Variants in MED12L observed in about 807,000 individuals in gnomAD.
The protein encoded by MED12L is mediator complex subunit 12L.
MED12L carries 60 observed loss-of-function variants against 281.3 expected under a neutral mutation model. The ratio of observed to expected loss-of-function variants is 0.21; its 90% CI spans 0.17 to 0.26. MED12L has a LOEUF of 0.26. Ranked by LOEUF, MED12L falls within the 10% of genes least tolerant of loss-of-function variation. MED12L has a pLI of 1.00. For missense variants in MED12L, 2,146 were observed against 2,680.9 expected, an observed-to-expected ratio of 0.80 and a Z score of 4.41; for synonymous variants, 974 against 987.2, an observed-to-expected ratio of 0.99 and a Z score of 0.25.
chr3:151,106,216 CTT>C (rs1197110225), intron 2 of MED12L, among the ~76,000 whole-genome samples: 10 of 142,946 alleles, frequency 7.0e-5, no homozygotes, highest in African/African-American at 2.3e-4. Flanking sequence ...GTTTTTTTTT[CTT>C]TCTTTCCTTC....
At chr3:151,373,759 T>A (rs1307372868) in intron 27 of MED12L, among the ~76,000 whole-genome samples, 1 of 152,182 alleles carries the variant, frequency 6.6e-6, no homozygotes, top group Non-Finnish European at 1.5e-5. Flanking sequence ...CATTTGACAT[T>A]TTAAAAATAG....
rs556699979 is a variant in MED12L at position 151,155,356 on chromosome 3, C to A, written c.557-805C>A. Among the ~76,000 whole-genome samples the A allele has an allele frequency of 8.7e-4, 133 of 152,364 alleles. 1 individual carries two copies. Among genetic ancestry groups the A allele is most frequent in the Non-Finnish European group, 1.1e-3 (72 of 68,034 alleles). On this transcript the variant is annotated intron_variant, in intron 5 of 44. Transcript: ENST00000687756. The stretch of plus-strand genomic sequence containing the variant: ...CAACACACTGATTTAATTTGTGCCC[C>A]TGTGGCAGACATTTTTGAACAATTT...
At chr3:151,239,393 T>C (rs956978380) in intron 16 of MED12L, among the ~76,000 whole-genome samples, 1 of 152,206 alleles carries the variant, frequency 6.6e-6, no homozygotes, top group Non-Finnish European at 1.5e-5. Flanking sequence ...CTGTATGGGA[T>C]TGGATTTTCT....
In MED12L at chr3:151,159,926, A is replaced by G. The variant is rs1452863124; in HGVS notation, c.932A>G (p.Asn311Ser). Reference protein sequence around the residue: ...RLSLLLSDSPNLLAAHSPHMM... With the variant: ...RLSLLLSDSPSLLAAHSPHMM... ...TCCTTGCTGCTGAGCGATAGCCCCAACCTCCTTGCTGCCCACTCACCCCAC... is the reference window on the plus strand; with the variant it reads ...TCCTTGCTGCTGAGCGATAGCCCCAGCCTCCTTGCTGCCCACTCACCCCAC... Residue 311 changes from asparagine (N) to serine (S), a missense_variant, in exon 8 of 45, where the codon AAC becomes AGC. By Grantham distance (46) the Asn-to-Ser change is conservative. This residue lies in a region of MED12L where 722 missense variants were observed against 861.2 expected (regional missense o/e 0.84). Transcript: ENST00000687756. The G allele has an allele frequency of 6.2e-6, 10 of 1,614,032 alleles. No individual in the cohort carries two copies. The highest frequency in any genetic ancestry group is 1.3e-5 in the African/African-American group (1 of 74,990).
chr3:151,302,351 C>T (rs1232371862), intron 16 of MED12L, among the ~76,000 whole-genome samples: 1 of 152,146 alleles, frequency 6.6e-6, no homozygotes, highest in Admixed American at 6.5e-5. Flanking sequence ...TGTTAAAGAT[C>T]ACGGAATGTG....
rs578078347 is a variant in MED12L at position 151,175,482 on chromosome 3, T to TC, written c.1494+9505dup. On this transcript the variant is annotated intron_variant, in intron 11 of 44. Coordinates refer to ENST00000687756, the MANE Select transcript of MED12L (RefSeq NM_001393769.1). Reference sequence around the variant, plus strand: ...GATAGTAATAAGTCATTGATTTTTTTCCCCCACTCCTTTTTATGGTGTTAT... The same window carrying TC: ...GATAGTAATAAGTCATTGATTTTTTTCCCCCCACTCCTTTTTATGGTGTTAT... Among the ~76,000 whole-genome samples, 73 of 152,306 alleles carry TC rather than the reference T, an allele frequency of 4.8e-4. No individual in the cohort carries two copies. The East Asian group carries it at 0.01, about 21-fold the overall frequency.
At chr3:151,380,250 A>G in intron 32 of MED12L, 26 bp downstream of exon 32, 1 of 1,403,112 alleles carries the variant, frequency 7.1e-7, no homozygotes, top group South Asian at 1.2e-5. Flanking sequence ...ATATTAAGAC[A>G]GGCAAATATC....
chr3:151,195,844 T>C (rs916358195), intron 16 of MED12L, among the ~76,000 whole-genome samples: 1 of 152,270 alleles, frequency 6.6e-6, no homozygotes, highest in Non-Finnish European at 1.5e-5. Context: ...CTCTCTGTAC[T>C]ATTTTGCAAC....
chr3:151,283,737 A>G (rs1013151658), intron 16 of MED12L, among the ~76,000 whole-genome samples: 7 of 152,238 alleles, frequency 4.6e-5, no homozygotes, highest in Non-Finnish European at 1.0e-4. Context: ...AATATTCTCC[A>G]ACTCCGTGCT....
intron 3 of MED12L, among the ~76,000 whole-genome samples, chr3:151,120,323 G>A (rs1713564446): frequency 6.6e-6 from 1 of 152,088 alleles, no homozygotes; most frequent in African/African-American, 2.4e-5. Context: ...CTTTTAGAGG[G>A]CAATTTGGCA....
chr3:151,400,084 C>A (rs1047406771), intron 39 of MED12L, among the ~76,000 whole-genome samples: 1 of 152,152 alleles, frequency 6.6e-6, no homozygotes, highest in African/African-American at 2.4e-5. Context: ...GTCTCGACCT[C>A]CTATAGTGCT....
rs35163871 is a variant in MED12L, at chr3:151,374,547, C to CAAAGAAAG, written c.3865-1459_3865-1452dup. Among the ~76,000 whole-genome samples the CAAAGAAAG allele has an allele frequency of 6.5e-3, 984 of 150,994 alleles. 2 individuals are homozygous for CAAAGAAAG. The highest frequency in any genetic ancestry group is 0.011 in the Non-Finnish European group (729 of 67,600). On this transcript the variant is annotated intron_variant, in intron 27 of 44. Coordinates refer to ENST00000687756, the MANE Select transcript of MED12L (RefSeq NM_001393769.1). ...CTGGTAAGAGAGCAAGACTCTGTCT[C>CAAAGAAAG]AAAGAAAGAAAGAAAGAAAGAAAGA...
intron 16 of MED12L, among the ~76,000 whole-genome samples, chr3:151,330,496 C>T (rs1188661806): frequency 6.6e-6 from 1 of 152,094 alleles, no homozygotes; most frequent in East Asian, 1.9e-4. Flanking sequence ...TTGTCCATGG[C>T]AGAAATCTAC....
chr3:151,396,344 A>C (rs1318408500), intron 39 of MED12L, among the ~76,000 whole-genome samples: 3 of 152,176 alleles, frequency 2.0e-5, no homozygotes, highest in Admixed American at 6.5e-5. Context: ...AATAACGCCT[A>C]GGGCCAGGCG....
chr3:151,291,976 A>G (rs1286825287), intron 16 of MED12L, among the ~76,000 whole-genome samples: 2 of 152,220 alleles, frequency 1.3e-5, no homozygotes, highest in Non-Finnish European at 2.9e-5. Context: ...AAACATGCCT[A>G]GTAACTATAT....
intron 16 of MED12L, among the ~76,000 whole-genome samples, chr3:151,318,238 T>C (rs1222161156): frequency 6.6e-6 from 1 of 152,178 alleles, no homozygotes; most frequent in Non-Finnish European, 1.5e-5. Context: ...AACTTAATAA[T>C]GGCCTAATCT....
chr3:151,205,275 A>G (rs879575926), intron 16 of MED12L, among the ~76,000 whole-genome samples: 1 of 152,192 alleles, frequency 6.6e-6, no homozygotes, highest in Non-Finnish European at 1.5e-5. Context: ...TACCTTGGTC[A>G]TGGCAGTACT....
intron 2 of MED12L, among the ~76,000 whole-genome samples, chr3:151,096,131 A>G (rs1057445825): frequency 2.6e-5 from 4 of 152,202 alleles, no homozygotes; most frequent in Non-Finnish European, 4.4e-5. Flanking sequence ...CCTTGTGGCA[A>G]CAAGCCTATG....
chr3:151,436,029 A>AAAAT lies in MED12L; in HGVS notation c.*3228_*3231dup, dbSNP rs1451866826. The AAAAT allele has an allele frequency of 6.6e-5, 10 of 152,200 alleles. No individual in the cohort carries two copies. Among genetic ancestry groups the AAAAT allele is most frequent in the Non-Finnish European group, 1.0e-4 (7 of 68,028 alleles). The allele number at this position is 152,200 out of a possible 1,614,324, so 9.4% of individuals were successfully genotyped here. A position where few individuals can be genotyped will look rare whatever the true frequency, so the allele number is the denominator to read the frequency against. On this transcript the variant is annotated 3_prime_UTR_variant, in exon 45 of 45. Coordinates refer to ENST00000687756, the MANE Select transcript of MED12L (RefSeq NM_001393769.1). ...CCTTTTTAATGGGTGTATTTGGACA[A>AAAAT]AAATAACCCCCTTTTCACATTTTAT... is the stretch of plus-strand genomic sequence containing the variant.
Sources: gnomAD v4.1 joint callset for allele counts (sites outside exome capture counted in the v4.1 genomes callset) on GRCh38, gnomAD v4.1.1 for gene constraint, gnomAD v4.1.1 regional missense constraint, MANE v1.5 for transcripts, NCBI Gene and HGNC (gene_info 2026-07-23, HGNC 2026-07-21) for gene names.